BANK1: variants seen among roughly 807,000 people sequenced by gnomAD.
BANK1 encodes the protein B cell scaffold protein with ankyrin repeats 1.
BANK1 carries 95 observed loss-of-function variants against 94.5 expected under a neutral mutation model. That is an observed-to-expected ratio of 1.00 (90% CI 0.85 to 1.19). BANK1 has a LOEUF of 1.19. Ranked by LOEUF, BANK1 falls within the 50% of genes most tolerant of loss-of-function variation. The pLI is 0.00. For synonymous variants in BANK1, 334 were observed against 308.4 expected (o/e 1.08, Z -0.87); for missense variants, 987 against 932.2 (o/e 1.06, Z -0.77).
chr4:101,936,330 C>CAT (rs768523179), intron 7 of BANK1, among the ~76,000 whole-genome samples: 5 of 137,356 alleles, frequency 3.6e-5, no homozygotes, highest in Admixed American at 8.4e-5. Flanking sequence ...TGTATCCATA[C>CAT]ATATATATGT....
At chr4:102,068,609 C>G (rs985172936) in intron 13 of BANK1, among the ~76,000 whole-genome samples, 1 of 152,024 alleles carries the variant, frequency 6.6e-6, no homozygotes, top group Non-Finnish European at 1.5e-5. Flanking sequence ...GGTGGATCAC[C>G]TGAGGTCAAG....
At chr4:101,852,505 C>CAT (rs1560601803) in intron 2 of BANK1, among the ~76,000 whole-genome samples, 4 of 51,020 alleles carry the variant, frequency 7.8e-5, no homozygotes, top group African/African-American at 2.2e-4. Context: ...TATATATATA[C>CAT]ACACACACAT....
intron 1 of BANK1, among the ~76,000 whole-genome samples, chr4:101,822,493 T>C (rs1157540811): frequency 6.6e-6 from 1 of 152,210 alleles, no homozygotes; most frequent in East Asian, 1.9e-4. Context: ...ATTATTCAAA[T>C]GCTCTAAAGT....
intron 7 of BANK1, among the ~76,000 whole-genome samples, chr4:101,992,135 A>G (rs748869361): frequency 3.3e-5 from 5 of 152,088 alleles, no homozygotes; most frequent in Non-Finnish European, 5.9e-5. Context: ...TAAAAATTGA[A>G]CTCAGTTTTT....
chr4:101,909,943 C>T (rs746200599), intron 6 of BANK1, among the ~76,000 whole-genome samples: 1 of 152,138 alleles, frequency 6.6e-6, no homozygotes, highest in East Asian at 1.9e-4. Flanking sequence ...AGTTTTCTTA[C>T]AGAAACTGTG....
At chr4:102,043,991 G>A in intron 11 of BANK1, 84 bp downstream of exon 11, 2 of 720,272 alleles carry the variant, frequency 2.8e-6, no homozygotes, top group Non-Finnish European at 4.7e-6. Context: ...AGCCTCCTAG[G>A]ACAGAAGTAT....
intron 11 of BANK1, among the ~76,000 whole-genome samples, chr4:102,048,354 A>G (rs550238319): frequency 6.6e-6 from 1 of 152,312 alleles, no homozygotes; most frequent in South Asian, 2.1e-4. Context: ...CTTAGTAATA[A>G]AAGAATTAAG....
In BANK1 at chr4:102,005,904, C is replaced by A. The variant is rs1281813048; in HGVS notation, c.1207-15610C>A. 7.2e-5 allele frequency among the ~76,000 whole-genome samples: 11 copies of A among 151,986 alleles called. No homozygotes were observed. The East Asian group carries it at 1.7e-3, about 24-fold the overall frequency. ...TGGCTCCAGAATTCATTCTCTCAAC[C>A]ACACTGTTGTATTTCTTCAAAAAGG... is the stretch of plus-strand genomic sequence containing the variant. On this transcript the variant is annotated intron_variant, in intron 7 of 16. Transcript: ENST00000322953.
At chr4:101,906,522 A>G (rs189920407) in intron 6 of BANK1, among the ~76,000 whole-genome samples, 3 of 152,264 alleles carry the variant, frequency 2.0e-5, no homozygotes, top group Admixed American at 6.5e-5. Flanking sequence ...CTTTTTCTTC[A>G]AATAATAAGG....
rs1727249072 is a variant in BANK1, at chr4:102,030,254, A to C, written c.1889A>C (p.Tyr630Ser). The change falls in exon 10 of 17, where the codon TAC becomes TCC. Residue 630 changes from tyrosine to serine, a missense_variant. Transcript: ENST00000322953. Reference sequence around the variant, plus strand: ...CCTCCAAAAGAGGAAACTACACCTTACATAGCTCAAGGTAATTATCATTGT... The same window carrying C: ...CCTCCAAAAGAGGAAACTACACCTTCCATAGCTCAAGGTAATTATCATTGT... Reference protein sequence around the residue: ...SIPPKEETTPYIAQVFQQKTA... With the variant: ...SIPPKEETTPSIAQVFQQKTA... The C allele has an allele frequency of 6.3e-7, 1 of 1,577,862 alleles. No individual in the cohort carries two copies. The highest frequency in any genetic ancestry group is 2.0e-5 in the Admixed American group (1 of 49,136).
intron 5 of BANK1, among the ~76,000 whole-genome samples, chr4:101,873,804 A>G (rs1354855120): frequency 6.6e-6 from 1 of 152,204 alleles, no homozygotes; most frequent in Non-Finnish European, 1.5e-5. Flanking sequence ...TGGGATGATA[A>G]TTAGAATTGA....
intron 1 of BANK1, among the ~76,000 whole-genome samples, chr4:101,804,602 A>G (rs1725492188): frequency 6.6e-6 from 1 of 152,180 alleles, no homozygotes; most frequent in African/African-American, 2.4e-5. Context: ...GCAGTTGCCC[A>G]CCATTTCAAA....
intron 7 of BANK1, among the ~76,000 whole-genome samples, chr4:101,978,088 C>T (rs1050701876): frequency 1.3e-5 from 2 of 151,046 alleles, no homozygotes; most frequent in African/African-American, 4.9e-5. Context: ...CTTAGCCTCC[C>T]GTGTAGCTGG....
At chr4:101,839,972 T>TAA (rs1726977912) in intron 2 of BANK1, among the ~76,000 whole-genome samples, 1 of 55,546 alleles carries the variant, frequency 1.8e-5, no homozygotes, top group African/African-American at 6.0e-5. Context: ...TTTTTTTTTT[T>TAA]TTTTTTTTTT....
chr4:101,907,030 G>A (rs1722478598), intron 6 of BANK1, among the ~76,000 whole-genome samples: 1 of 152,214 alleles, frequency 6.6e-6, no homozygotes, highest in Non-Finnish European at 1.5e-5. Flanking sequence ...CCAGTCATTA[G>A]CATTGTTTCC....
intron 7 of BANK1, among the ~76,000 whole-genome samples, chr4:101,926,858 C>T (rs1414245967): frequency 6.6e-6 from 1 of 151,708 alleles, no homozygotes; most frequent in Non-Finnish European, 1.5e-5. Flanking sequence ...AGGGCAAAGG[C>T]TCTGGTAGGA....
In BANK1 at chr4:102,068,827, CAA is replaced by C. The variant is rs35925022; in HGVS notation, c.2213-2435_2213-2434del. Reference sequence around the variant, plus strand: ...TGGGCAACACAGCAAGACTCCATCTCAAAAAAAAAAAAAAGATACTAAGAAAA... The same window carrying C: ...TGGGCAACACAGCAAGACTCCATCTCAAAAAAAAAAAAGATACTAAGAAAA... On this transcript the variant is annotated intron_variant, in intron 13 of 16. Transcript: ENST00000322953. Among the ~76,000 whole-genome samples, 154 of 137,546 alleles carry C rather than the reference CAA, an allele frequency of 1.1e-3. 1 individual carries two copies. Among genetic ancestry groups the C allele is most frequent in the Admixed American group, 1.7e-3 (23 of 13,920 alleles). 90.2% of individuals were successfully genotyped at this position (137,546 alleles called of 152,430 possible). A position where few individuals can be genotyped will look rare whatever the true frequency, so the allele number is the denominator to read the frequency against.
At chr4:102,073,915 T>C (rs1248279072) in intron 16 of BANK1, 90 bp from the exon 17 acceptor site, 2 of 532,470 alleles carry the variant, frequency 3.8e-6, no homozygotes, top group Non-Finnish European at 6.5e-6. Context: ...TGTAGAAAGA[T>C]TTATGTACAG....
rs185614154 is a variant in BANK1 at position 101,888,218 on chromosome 4, T to C, written c.904-7087T>C. Among the ~76,000 whole-genome samples the C allele has an allele frequency of 3.9e-5, 6 of 152,314 alleles. No homozygotes were observed. The East Asian group carries it at 1.2e-3, about 29-fold the overall frequency. On this transcript the variant is annotated intron_variant, in intron 5 of 16. Transcript: ENST00000322953. ...TTAGATACTTCTTGGCCTACCTCCA[T>C]TTATGGAAGCTAGAAAGACCAGATT...
Sources: allele counts gnomAD v4.1 joint callset (sites outside exome capture counted in the v4.1 genomes callset), GRCh38; gene constraint gnomAD v4.1.1; transcripts MANE v1.5; gene names NCBI Gene and HGNC (gene_info 2026-07-23, HGNC 2026-07-21).